EIF4ENIF1: variants seen among roughly 807,000 people sequenced by gnomAD.
EIF4ENIF1 encodes the protein eukaryotic translation initiation factor 4E transporter.
In EIF4ENIF1, 23 loss-of-function variants were observed where a neutral mutation model predicts 110.5. That is an observed-to-expected ratio of 0.21 (90% CI 0.15 to 0.29). EIF4ENIF1 has a LOEUF of 0.29. Ranked by LOEUF, EIF4ENIF1 falls within the 10% of genes least tolerant of loss-of-function variation. The pLI is 1.00. For missense variants in EIF4ENIF1, 1,031 were observed against 1,221.1 expected (o/e 0.84, Z 2.32); for synonymous variants, 440 against 437.0 (o/e 1.01, Z -0.09).
intron 14 of EIF4ENIF1, among the ~76,000 whole-genome samples, chr22:31,446,500 A>T (rs2050483779): frequency 6.6e-6 from 1 of 152,100 alleles, no homozygotes; most frequent in Non-Finnish European, 1.5e-5. Flanking sequence ...AACAGGTAAA[A>T]CCAGCTGAAG....
chr22:31,456,415 G>A (rs184229786), intron 7 of EIF4ENIF1, among the ~76,000 whole-genome samples: 11 of 151,762 alleles, frequency 7.2e-5, no homozygotes, highest in Middle Eastern at 3.4e-3. Flanking sequence ...AGTAGAGACG[G>A]GGTTTTACCG....
chr22:31,449,453 T>C lies in EIF4ENIF1; in HGVS notation c.1663A>G (p.Thr555Ala), dbSNP rs935867012. The C allele has an allele frequency of 6.8e-6, 11 of 1,613,894 alleles. No individual in the cohort carries two copies. The highest frequency in any genetic ancestry group is 5.0e-5 in the Admixed American group (3 of 60,016). ...GGTGCTCTTTGGCCCAGTAAAGATG[T>C]TGTAGGCTCCAAGCTCCCCATAAGG... ...SGLMGSLEPT[T>A]SLLGQRAPSP... Residue 555 changes from threonine to alanine, a missense_variant, in exon 12 of 19, where the codon ACA becomes GCA. Around this residue, in one of 3 missense-constraint regions of EIF4ENIF1, gnomAD observed 704 missense variants for 879.7 expected, o/e 0.80. Coordinates refer to ENST00000330125, the MANE Select transcript of EIF4ENIF1 (RefSeq NM_019843.4).
intron 4 of EIF4ENIF1, 111 bp from the exon 5 acceptor site, chr22:31,464,078 C>G: frequency 7.1e-7 from 1 of 1,409,044 alleles, no homozygotes; most frequent in South Asian, 1.5e-5. Context: ...GGAAGAGAGT[C>G]ACCACTAAAA....
chr22:31,489,861 C>G (rs968223616), upstream of EIF4ENIF1: 1 of 152,350 alleles, frequency 6.6e-6, no homozygotes, highest in East Asian at 1.9e-4. Context: ...GCCCTCCGCC[C>G]CTCCTCTTCG....
At chr22:31,454,694 T>C (rs903748347) in intron 9 of EIF4ENIF1, among the ~76,000 whole-genome samples, 6 of 152,204 alleles carry the variant, frequency 3.9e-5, no homozygotes, top group Admixed American at 3.9e-4. Flanking sequence ...ACTTGTTACC[T>C]GGGACAAGAA....
At chr22:31,491,530 T>C (rs187863467), upstream of EIF4ENIF1, among the ~76,000 whole-genome samples, 141 of 152,290 alleles carry the variant, frequency 9.3e-4, no homozygotes, top group African/African-American at 3.2e-3. Context: ...CTTTTTAGGC[T>C]TGCAGAGGGA....
upstream of EIF4ENIF1, among the ~76,000 whole-genome samples, chr22:31,492,354 A>G (rs2052293055): frequency 6.6e-6 from 1 of 152,222 alleles, no homozygotes; most frequent in African/African-American, 2.4e-5. Flanking sequence ...GAGGAATGTC[A>G]AGGAATGTGT....
chr22:31,451,650 A>G (rs2050679492), intron 10 of EIF4ENIF1, among the ~76,000 whole-genome samples: 1 of 151,692 alleles, frequency 6.6e-6, no homozygotes, highest in Non-Finnish European at 1.5e-5. Context: ...CCACTCTTAA[A>G]GCAGTAGTGG....
chr22:31,438,903 G>A (rs925454800), downstream of EIF4ENIF1, among the ~76,000 whole-genome samples: 2 of 152,046 alleles, frequency 1.3e-5, no homozygotes, highest in Non-Finnish European at 2.9e-5. Context: ...TGTATTTTTA[G>A]TAGAGATGGG....
rs1019332474 is a variant in EIF4ENIF1 at position 31,458,523 on chromosome 22, A to G, written c.915T>C (p.Phe305=). Residue 305 remains phenylalanine (F), a synonymous_variant, in exon 7 of 19, where the codon TTT becomes TTC. Coordinates refer to ENST00000330125, the MANE Select transcript of EIF4ENIF1 (RefSeq NM_019843.4). Reference sequence around the variant, plus strand: ...CAAGGTTAAAGAACTCATTAAAGTCAAAGTCTCCTGGGGACTGCTCAGGCA... The same window carrying G: ...CAAGGTTAAAGAACTCATTAAAGTCGAAGTCTCCTGGGGACTGCTCAGGCA... ...AVLPEQSPGD[F]DFNEFFNLDK... 2 of 1,611,868 alleles carry G rather than the reference A, an allele frequency of 1.2e-6. No individual in the cohort carries two copies. Among genetic ancestry groups the G allele is most frequent in the Non-Finnish European group, 1.7e-6 (2 of 1,178,286 alleles).
At chr22:31,456,518 C>T (rs1371499174) in intron 7 of EIF4ENIF1, among the ~76,000 whole-genome samples, 4 of 148,772 alleles carry the variant, frequency 2.7e-5, no homozygotes, top group African/African-American at 1.0e-4. Context: ...CCACCACACC[C>T]GGTCTACTAT....
At position 31,460,039 on chromosome 22, in the gene EIF4ENIF1, A is replaced by C. The variant is rs137925726; in HGVS notation, c.788-1389T>G. Among the ~76,000 whole-genome samples, 871 of 152,338 alleles carry C rather than the reference A, an allele frequency of 5.7e-3. 4 individuals are homozygous for C. Among genetic ancestry groups the C allele is most frequent in the Non-Finnish European group, 8.7e-3 (594 of 68,030 alleles). ...CACCAGAAGCCTGATCTTTATCGTT[A>C]AAGTGGTGCTTTATTGGGTGCTGCT... On this transcript the variant is annotated intron_variant, in intron 6 of 18. Transcript: ENST00000330125.
intron 5 of EIF4ENIF1, 38 bp from the exon 6 acceptor site, chr22:31,463,171 G>C (rs757539075): frequency 1.3e-6 from 2 of 1,595,440 alleles, no homozygotes; most frequent in South Asian, 2.2e-5. Flanking sequence ...AAAATTTCTA[G>C]TCAAGCCATT....
intron 2 of EIF4ENIF1, among the ~76,000 whole-genome samples, chr22:31,480,360 CT>C (rs1430699204): frequency 3.9e-5 from 6 of 152,220 alleles, no homozygotes; most frequent in Admixed American, 1.3e-4. Context: ...TTATCCATTT[CT>C]TTCTGCAGAA....
chr22:31,437,650 A>T (rs1180208357), downstream of EIF4ENIF1: 2 of 152,144 alleles, frequency 1.3e-5, no homozygotes, highest in Admixed American at 1.3e-4. Flanking sequence ...CTGAAAAGGA[A>T]GCCTTTACTA....
In EIF4ENIF1 at chr22:31,458,486, A is replaced by G; in HGVS notation, c.952T>C (p.Cys318Arg). 1 of 1,595,158 alleles carries G rather than the reference A, an allele frequency of 6.3e-7. No homozygotes were observed. The highest frequency in any genetic ancestry group is 8.6e-7 in the Non-Finnish European group (1 of 1,166,768). The part of the protein sequence containing the change: ...NEFFNLDKVP[C>R]LASMIEDVLG... Reference sequence around the variant, plus strand: ...GCTGCTACACTCACCGAAGCCAAGCATGGCACCTTATCAAGGTTAAAGAAC... The same window carrying G: ...GCTGCTACACTCACCGAAGCCAAGCGTGGCACCTTATCAAGGTTAAAGAAC... The change falls in exon 7 of 19, where the codon TGC (cysteine) becomes CGC (arginine). Residue 318 changes from cysteine (C) to arginine (R), a missense_variant. By Grantham distance (180) the Cys-to-Arg change is radical. Transcript: ENST00000330125.
chr22:31,470,874 T>G (rs1021542397), intron 3 of EIF4ENIF1, among the ~76,000 whole-genome samples: 1 of 151,506 alleles, frequency 6.6e-6, no homozygotes, highest in Non-Finnish European at 1.5e-5. Context: ...TAGCTGTGCG[T>G]GGTAGTGGGT....
At chr22:31,447,342 C>CA in intron 14 of EIF4ENIF1, 84 bp downstream of exon 14, 2 of 1,536,576 alleles carry the variant, frequency 1.3e-6, no homozygotes, top group South Asian at 2.3e-5. Flanking sequence ...GTATGTACAA[C>CA]AGAATTATAC....
At chr22:31,490,651 TACC>T (rs2052243886), upstream of EIF4ENIF1, among the ~76,000 whole-genome samples, 1 of 152,136 alleles carries the variant, frequency 6.6e-6, no homozygotes, top group Non-Finnish European at 1.5e-5. Flanking sequence ...GTCAAGTGCT[TACC>T]ACGTAGTGCA....
Sources: gnomAD v4.1 joint callset for allele counts (sites outside exome capture counted in the v4.1 genomes callset) on GRCh38, gnomAD v4.1.1 for gene constraint, gnomAD v4.1.1 regional missense constraint, MANE v1.5 for transcripts, NCBI Gene and HGNC (gene_info 2026-07-23, HGNC 2026-07-21) for gene names.